The following SCRG1 variants were observed in gnomAD, a reference collection of about 807,000 sequenced individuals.
SCRG1 encodes the protein stimulator of chondrogenesis 1, also known as scrapie-responsive protein 1.
SCRG1 carries 3 observed loss-of-function variants against 7.7 expected under a neutral mutation model. The observed-to-expected ratio is 0.39, with a 90% CI of 0.18 to 1.01. The LOEUF (loss-of-function observed/expected upper bound fraction) is 1.01, where lower values mean the gene tolerates loss of function less well. Ranked by LOEUF, SCRG1 falls within the 50% of genes least tolerant of loss-of-function variation. SCRG1 has a pLI of 0.36. For missense variants in SCRG1, 110 were observed against 117.2 expected (o/e 0.94, Z 0.28); for synonymous variants, 46 against 41.2 (o/e 1.12, Z -0.44).
chr4:173,385,748 C>T lies in SCRG1; in HGVS notation c.*2593G>A, dbSNP rs866786612. On this transcript the variant is annotated 3_prime_UTR_variant, in exon 3 of 3. Coordinates refer to ENST00000296506, the MANE Select transcript of SCRG1 (RefSeq NM_007281.4). The stretch of plus-strand genomic sequence containing the variant: ...GGCTTTGATTGCAGTAGTAAGGGAA[C>T]GTTTACTAAAAAGCCGTTGTTGTCT... 6 of 152,088 alleles carry T rather than the reference C, an allele frequency of 3.9e-5. No individual in the cohort carries two copies. The highest frequency in any genetic ancestry group is 8.8e-5 in the Non-Finnish European group (6 of 68,010). 9.4% of individuals were successfully genotyped at this position (152,088 alleles called of 1,614,324 possible).
chr4:173,485,864 C>A, the SCRG1 span, among the ~76,000 whole-genome samples: 4 of 151,858 alleles, frequency 2.6e-5, no homozygotes, highest in East Asian at 3.9e-4. Flanking sequence ...CAGCTACTCG[C>A]GAGGCTGAGG....
the SCRG1 span, among the ~76,000 whole-genome samples, chr4:173,436,905 C>T: frequency 1.1e-4 from 17 of 152,260 alleles, no homozygotes; most frequent in East Asian, 2.5e-3. Context: ...ATTTTAATTG[C>T]TTCACTCATT....
At chr4:173,466,961 C>T in the SCRG1 span, among the ~76,000 whole-genome samples, 1 of 152,078 alleles carries the variant, frequency 6.6e-6, no homozygotes, top group Non-Finnish European at 1.5e-5. Context: ...ATTTGGCTAT[C>T]AACTAATTTC....
chr4:173,500,344 G>T, the SCRG1 span, among the ~76,000 whole-genome samples: 1 of 152,198 alleles, frequency 6.6e-6, no homozygotes, highest in Non-Finnish European at 1.5e-5. Flanking sequence ...GGCCTCCGGC[G>T]CTCCCCGGGT....
At chr4:173,402,232 T>C (rs1266674461), upstream of SCRG1, among the ~76,000 whole-genome samples, 1 of 152,206 alleles carries the variant, frequency 6.6e-6, no homozygotes, top group Non-Finnish European at 1.5e-5. Flanking sequence ...TATGTATTTT[T>C]ATGTGATGAT....
the SCRG1 span, among the ~76,000 whole-genome samples, chr4:173,447,426 T>TA: frequency 2.0e-5 from 3 of 152,176 alleles, no homozygotes; most frequent in Non-Finnish European, 4.4e-5. Context: ...TCCCAATACT[T>TA]AGAGACATTT....
chr4:173,473,944 C>T, the SCRG1 span, among the ~76,000 whole-genome samples: 1 of 152,144 alleles, frequency 6.6e-6, no homozygotes, highest in Non-Finnish European at 1.5e-5. Context: ...TTTTGGGAGG[C>T]TGAGGTTGGT....
chr4:173,493,153 G>A, the SCRG1 span, among the ~76,000 whole-genome samples: 1 of 152,066 alleles, frequency 6.6e-6, no homozygotes, highest in South Asian at 2.1e-4. Context: ...ATCTCAAATT[G>A]TAATCCCCAC....
chr4:173,509,559 G>A, the SCRG1 span, among the ~76,000 whole-genome samples: 1 of 152,196 alleles, frequency 6.6e-6, no homozygotes, highest in African/African-American at 2.4e-5. This position sits in a 1 kb window ranked among gnomAD's most constrained non-coding sequence, Gnocchi z 5.7. Context: ...CTTCGGCCTG[G>A]CGGCTGCCGG....
chr4:173,447,662 G>A, the SCRG1 span, among the ~76,000 whole-genome samples: 3 of 152,162 alleles, frequency 2.0e-5, no homozygotes, highest in East Asian at 1.9e-4. Context: ...GGATCTGGCC[G>A]GGCATGGTGG....
the SCRG1 span, among the ~76,000 whole-genome samples, chr4:173,443,600 G>C: frequency 5.9e-5 from 9 of 152,212 alleles, no homozygotes; most frequent in Non-Finnish European, 1.3e-4. Context: ...CTTTTCTTTG[G>C]AATTTTTTTC....
chr4:173,449,030 G>C, the SCRG1 span, among the ~76,000 whole-genome samples: 2 of 152,244 alleles, frequency 1.3e-5, no homozygotes, highest in East Asian at 3.8e-4. Flanking sequence ...GAATCACAGA[G>C]ACAGGCTGAA....
chr4:173,432,518 C>T, the SCRG1 span, among the ~76,000 whole-genome samples: 1 of 151,866 alleles, frequency 6.6e-6, no homozygotes, highest in African/African-American at 2.4e-5. Flanking sequence ...GTGGATAACT[C>T]TTTCTACCCA....
intron 1 of SCRG1, among the ~76,000 whole-genome samples, chr4:173,398,599 C>G (rs572392568): frequency 6.6e-6 from 1 of 152,298 alleles, no homozygotes; most frequent in South Asian, 2.1e-4. Context: ...GTACCAGGTT[C>G]TTTTCAGAAA....
chr4:173,487,354 G>A, the SCRG1 span, among the ~76,000 whole-genome samples: 1 of 152,116 alleles, frequency 6.6e-6, no homozygotes, highest in African/African-American at 2.4e-5. Flanking sequence ...ATGACAACCA[G>A]AACCATGATA....
At chr4:173,454,695 G>A in the SCRG1 span, among the ~76,000 whole-genome samples, 2 of 152,202 alleles carry the variant, frequency 1.3e-5, no homozygotes, top group African/African-American at 4.8e-5. Flanking sequence ...CCCTGAAGGT[G>A]TTAGGGGTCA....
At chr4:173,500,543 G>A in the SCRG1 span, among the ~76,000 whole-genome samples, 3 of 151,996 alleles carry the variant, frequency 2.0e-5, no homozygotes, top group Admixed American at 1.3e-4. Context: ...GCAGTGGCGC[G>A]ATCAAGGCTC....
chr4:173,492,777 T>C, the SCRG1 span, among the ~76,000 whole-genome samples: 2 of 152,102 alleles, frequency 1.3e-5, no homozygotes, highest in Non-Finnish European at 2.9e-5. Flanking sequence ...GCAGCTTCCT[T>C]TGTACTGCCT....
chr4:173,483,060 A>G, the SCRG1 span, among the ~76,000 whole-genome samples: 47 of 97,900 alleles, frequency 4.8e-4, no homozygotes, highest in Non-Finnish European at 7.4e-4. Flanking sequence ...TATATAATAT[A>G]TTTCATGTAT....
Sources: allele counts gnomAD v4.1 joint callset (sites outside exome capture counted in the v4.1 genomes callset), GRCh38; gene constraint gnomAD v4.1.1; non-coding constraint Gnocchi (gnomAD v3.1); transcripts MANE v1.5; gene names NCBI Gene and HGNC (gene_info 2026-07-23, HGNC 2026-07-21).